Variants in KIAA1217 observed in about 807,000 individuals in gnomAD.
The protein encoded by KIAA1217 is sickle tail protein homolog.
In KIAA1217, 88 loss-of-function variants were observed where a neutral mutation model predicts 163.9. The ratio of observed to expected loss-of-function variants is 0.54; its 90% confidence interval spans 0.45 to 0.64. KIAA1217 has a LOEUF of 0.64. Ranked by LOEUF, KIAA1217 falls within the 30% of genes least tolerant of loss-of-function variation. The pLI, the probability that KIAA1217 is intolerant of heterozygous loss-of-function variation, is 0.00. For synonymous variants in KIAA1217, 903 were observed against 923.1 expected, an observed-to-expected ratio of 0.98 and a Z score of 0.39; for missense variants, 2,372 against 2,475.0, an observed-to-expected ratio of 0.96 and a Z score of 0.88.
intron 1 of KIAA1217, among the ~76,000 whole-genome samples, chr10:23,800,982 C>A (rs1836441069): frequency 6.6e-6 from 1 of 152,032 alleles, no homozygotes; most frequent in South Asian, 2.1e-4. Flanking sequence ...TGGGTATATA[C>A]CCAAAGGATT....
chr10:24,518,960 A>T (rs2070653096), intron 10 of KIAA1217, among the ~76,000 whole-genome samples: 1 of 152,148 alleles, frequency 6.6e-6, no homozygotes, highest in Non-Finnish European at 1.5e-5. Flanking sequence ...CTTGCAGGGG[A>T]GGAATTTGTT....
intron 1 of KIAA1217, among the ~76,000 whole-genome samples, chr10:23,993,446 A>C (rs531322054): frequency 6.6e-6 from 1 of 151,894 alleles, no homozygotes; most frequent in South Asian, 2.1e-4. Flanking sequence ...CCCTCATCCT[A>C]ATCAGGAATA....
At chr10:24,226,058 A>G (rs572953256) in intron 2 of KIAA1217, among the ~76,000 whole-genome samples, 26 of 152,338 alleles carry the variant, frequency 1.7e-4, no homozygotes, top group South Asian at 6.2e-4. Flanking sequence ...AGATTTCTTA[A>G]CTAAGAAGTT....
intron 2 of KIAA1217, among the ~76,000 whole-genome samples, chr10:24,109,558 T>A (rs1362393979): frequency 6.6e-6 from 1 of 151,684 alleles, no homozygotes; most frequent in Admixed American, 6.6e-5. Context: ...GAGGGTGGGG[T>A]AGGAAGTAAG....
intron 10 of KIAA1217, among the ~76,000 whole-genome samples, chr10:24,515,803 G>T (rs1338488927): frequency 6.6e-6 from 1 of 152,210 alleles, no homozygotes; most frequent in African/African-American, 2.4e-5. Flanking sequence ...TGGGCACAAT[G>T]GTTCATGCCT....
intron 5 of KIAA1217, among the ~76,000 whole-genome samples, chr10:24,446,559 A>G (rs1352586179): frequency 6.6e-6 from 1 of 152,140 alleles, no homozygotes; most frequent in Non-Finnish European, 1.5e-5. Flanking sequence ...CGTAGTAACA[A>G]AAGAATCCCA....
intron 1 of KIAA1217, among the ~76,000 whole-genome samples, chr10:23,867,989 A>T (rs1330949413): frequency 6.6e-6 from 1 of 152,036 alleles, no homozygotes; most frequent in Non-Finnish European, 1.5e-5. Flanking sequence ...TTTTAGGTCT[A>T]ATGTTTAAGT....
chr10:24,101,861 T>G (rs1203593291), intron 2 of KIAA1217, among the ~76,000 whole-genome samples: 2 of 152,198 alleles, frequency 1.3e-5, no homozygotes, highest in African/African-American at 4.8e-5. Context: ...TGTTGGATTT[T>G]TAGTGTAAAA....
rs1003703942 is a variant in KIAA1217, at chr10:23,812,990, A to G, written c.-321+117756A>G. ...AGGAATTGCTGGGTCTATGGTAACT[A>G]TGTTTAACCATTGAGGACTGCCTGA... On this transcript the variant is annotated intron_variant, in intron 1 of 18. Coordinates refer to the KIAA1217 transcript ENST00000376462. 7.4e-5 allele frequency among the ~76,000 whole-genome samples: 11 copies of G among 147,704 alleles called. No homozygotes were observed. The East Asian group carries it at 2.2e-3, about 29-fold the overall frequency.
At chr10:23,791,363 A>G (rs867238974) in intron 1 of KIAA1217, among the ~76,000 whole-genome samples, 1 of 152,150 alleles carries the variant, frequency 6.6e-6, no homozygotes, top group Non-Finnish European at 1.5e-5. Flanking sequence ...CTAACTTCCC[A>G]CTCACTTCCC....
intron 1 of KIAA1217, among the ~76,000 whole-genome samples, chr10:23,824,375 A>G (rs987426122): frequency 4.6e-5 from 7 of 151,802 alleles, no homozygotes; most frequent in African/African-American, 1.2e-4. Context: ...CACGCCTGTA[A>G]TCCCAGCGCT....
chr10:24,013,964 A>T (rs1847363423), intron 2 of KIAA1217, among the ~76,000 whole-genome samples: 1 of 152,152 alleles, frequency 6.6e-6, no homozygotes, highest in South Asian at 2.1e-4. Flanking sequence ...GTCTGAGAAT[A>T]TTCAACATTA....
intron 1 of KIAA1217, among the ~76,000 whole-genome samples, chr10:23,864,343 C>T (rs1169689864): frequency 6.6e-6 from 1 of 152,006 alleles, no homozygotes; most frequent in Non-Finnish European, 1.5e-5. Context: ...GTTAATGTTC[C>T]TTAGCCTGGT....
intron 1 of KIAA1217, among the ~76,000 whole-genome samples, chr10:23,920,631 A>G (rs1842816252): frequency 6.6e-6 from 1 of 152,020 alleles, no homozygotes; most frequent in Admixed American, 6.6e-5. Flanking sequence ...CCTCTGCCAC[A>G]CTCTGAGATA....
intron 2 of KIAA1217, among the ~76,000 whole-genome samples, chr10:24,101,683 C>T (rs76518820): frequency 6.6e-6 from 1 of 152,068 alleles, no homozygotes; most frequent in Non-Finnish European, 1.5e-5. Flanking sequence ...ATGAAATTGA[C>T]ATTGTTAGGT....
At chr10:23,718,642 A>G (rs11013655) in intron 1 of KIAA1217, among the ~76,000 whole-genome samples, 1 of 152,200 alleles carries the variant, frequency 6.6e-6, no homozygotes, top group Admixed American at 6.5e-5. Context: ...AACTAAAAAA[A>G]AAAAACTTTT....
intron 1 of KIAA1217, among the ~76,000 whole-genome samples, chr10:23,800,876 G>A (rs1836435431): frequency 6.6e-6 from 1 of 152,120 alleles, no homozygotes; most frequent in East Asian, 1.9e-4. Context: ...CACTGTTGGT[G>A]GGAGTGTAAA....
In KIAA1217 at chr10:24,281,626, G is replaced by T. The variant is rs141942924; in HGVS notation, c.354+61717G>T. On this transcript the variant is annotated intron_variant, in intron 2 of 20. Transcript: ENST00000376454. ...GACCTTGACAATTTGGAGGAGTACT[G>T]GTGAGTTATTTTGTAGAATCTCCTT... Among the ~76,000 whole-genome samples, 202 of 152,202 alleles carry T rather than the reference G, an allele frequency of 1.3e-3. 2 individuals are homozygous for T. Among genetic ancestry groups the T allele is most frequent in the African/African-American group, 4.4e-3 (181 of 41,500 alleles).
At chr10:24,181,515 C>A (rs968597089) in intron 2 of KIAA1217, among the ~76,000 whole-genome samples, 3 of 152,088 alleles carry the variant, frequency 2.0e-5, no homozygotes, top group African/African-American at 7.2e-5. Flanking sequence ...TTATGGGGGG[C>A]TTTGAGGCCA....
Sources: allele counts gnomAD v4.1 joint callset (sites outside exome capture counted in the v4.1 genomes callset), GRCh38; gene constraint gnomAD v4.1.1; transcripts MANE v1.5; gene names NCBI Gene and HGNC (gene_info 2026-07-23, HGNC 2026-07-21).